Variants in SLC36A4 observed in about 807,000 individuals in gnomAD.
SLC36A4 encodes solute carrier family 36 member 4.
In SLC36A4, 49 loss-of-function variants were observed where a neutral mutation model predicts 50.5. The ratio of observed to expected loss-of-function variants is 0.97; its 90% CI spans 0.77 to 1.23. SLC36A4 has a LOEUF of 1.23. SLC36A4 is among the 50% of genes most tolerant of loss of function. The pLI is 0.00. For missense variants in SLC36A4, 611 were observed against 608.4 expected (o/e 1.00, Z -0.05); for synonymous variants, 207 against 206.5 (o/e 1.00, Z -0.02).
intron 8 of SLC36A4, among the ~76,000 whole-genome samples, chr11:93,163,781 T>TGTATGTATGTAA (rs1171538516): frequency 6.6e-6 from 1 of 151,780 alleles, no homozygotes; most frequent in Non-Finnish European, 1.5e-5. Context: ...TTCTCATGTA[T>TGTATGTATGTAA]GTATGTATGT....
At chr11:93,181,032 C>A in intron 5 of SLC36A4, 151 bp from the exon 6 acceptor site, 2 of 604,578 alleles carry the variant, frequency 3.3e-6, no homozygotes, top group Non-Finnish European at 2.9e-6. Flanking sequence ...CATGCCAAAT[C>A]TAACTTCCTG....
At position 93,184,535 on chromosome 11, in the gene SLC36A4, T is replaced by C. The variant is rs752868323; in HGVS notation, c.180-15A>G. 2 of 1,421,708 alleles carry C rather than the reference T, an allele frequency of 1.4e-6. No homozygotes were observed. The highest frequency in any genetic ancestry group is 2.3e-5 in the East Asian group (1 of 43,768). The allele number at this position is 1,421,708 out of a possible 1,614,324, so 88.1% of individuals were successfully genotyped here. A position where few individuals can be genotyped will look rare whatever the true frequency, so the allele number is the denominator to read the frequency against. On this transcript the variant is annotated splice_polypyrimidine_tract_variant and intron_variant, in intron 2 of 10. Coordinates refer to ENST00000326402, the MANE Select transcript of SLC36A4 (RefSeq NM_152313.4). The stretch of plus-strand genomic sequence containing the variant: ...TTTGTACAAATCTGAAAAGTAAAAG[T>C]TGTAAGACTTAAATATTTTAGAACA...
rs548451184 is a variant in SLC36A4 at position 93,177,792 on chromosome 11, C to T, written c.540+3005G>A. Among the ~76,000 whole-genome samples the T allele has an allele frequency of 1.5e-4, 23 of 152,272 alleles. 1 individual carries two copies. The highest frequency in any genetic ancestry group is 1.0e-3 in the South Asian group (5 of 4,820). ...ATATCAGTTGGCCCCTACTGGGAGG[C>T]GTCTCCCAGTTAGGCTACTCCGGGG... is the stretch of plus-strand genomic sequence containing the variant. On this transcript the variant is annotated intron_variant, in intron 6 of 10. Coordinates refer to ENST00000326402, the MANE Select transcript of SLC36A4 (RefSeq NM_152313.4).
Position 93,185,806 on chromosome 11 carries a change from C to T in SLC36A4, c.64G>A (p.Val22Ile). The change falls in exon 2 of 11, where the codon GTA becomes ATA. Residue 22 changes from valine (V) to isoleucine (I), a missense_variant. Coordinates refer to ENST00000326402, the MANE Select transcript of SLC36A4 (RefSeq NM_152313.4). ...TGCTCATTTATCAAGGGCCTCATTA[C>T]ATCCATATCTTTAAAAAAGAAAAAC... The part of the protein sequence containing the change: ...AARREELDMD[V>I]MRPLINEQNF... The T allele has an allele frequency of 5.1e-6, 8 of 1,583,932 alleles. No homozygotes were observed. The highest frequency in any genetic ancestry group is 6.8e-6 in the Non-Finnish European group (8 of 1,172,558).
Position 93,197,765 on chromosome 11 carries a change from G to C in SLC36A4, c.55+13C>G. On this transcript the variant is annotated intron_variant, in intron 1 of 10. Coordinates refer to ENST00000326402, the MANE Select transcript of SLC36A4 (RefSeq NM_152313.4). ...ACGTCAGCCCCGGCTCCCTGCCCAC[G>C]CACAACACCGACCTAGCTCCTCGCG... The C allele has an allele frequency of 1.3e-6, 2 of 1,588,662 alleles. No individual in the cohort carries two copies. Among genetic ancestry groups the C allele is most frequent in the Non-Finnish European group, 1.7e-6 (2 of 1,174,072 alleles).
chr11:93,192,867 T>C (rs964223418), intron 1 of SLC36A4, among the ~76,000 whole-genome samples: 3 of 152,304 alleles, frequency 2.0e-5, no homozygotes, highest in East Asian at 3.9e-4. Flanking sequence ...TATTTTCTCA[T>C]ATGTACAATG....
intron 6 of SLC36A4, among the ~76,000 whole-genome samples, chr11:93,172,993 C>T (rs1223672907): frequency 4.1e-5 from 6 of 148,030 alleles, no homozygotes; most frequent in African/African-American, 1.0e-4. Context: ...ATGGTATTTC[C>T]AGTTCTAGAT....
chr11:93,156,011 A>G (rs1860343561), intron 9 of SLC36A4, among the ~76,000 whole-genome samples: 1 of 152,144 alleles, frequency 6.6e-6, no homozygotes, highest in Non-Finnish European at 1.5e-5. Context: ...TATCTTTGCT[A>G]TTGTGAAAAG....
intron 1 of SLC36A4, among the ~76,000 whole-genome samples, chr11:93,186,355 CTATT>C (rs1861981738): frequency 6.6e-6 from 1 of 152,126 alleles, no homozygotes; most frequent in Admixed American, 6.5e-5. Context: ...ATGCAATACT[CTATT>C]TAATCTACAT....
At chr11:93,178,749 G>A (rs933488101) in intron 6 of SLC36A4, among the ~76,000 whole-genome samples, 15 of 152,088 alleles carry the variant, frequency 9.9e-5, no homozygotes, top group Admixed American at 7.9e-4. Context: ...ATACTGAATG[G>A]GGAAAAGTTT....
chr11:93,177,609 C>T (rs1332549376), intron 6 of SLC36A4, among the ~76,000 whole-genome samples: 1 of 152,170 alleles, frequency 6.6e-6, no homozygotes, highest in African/African-American at 2.4e-5. Flanking sequence ...CCCTCAGCTG[C>T]AGGTCTGTTG....
Position 93,144,990 on chromosome 11 carries a change from T to C in SLC36A4, c.*3547A>G, listed in dbSNP as rs1859820185. ...ATTTACACTAGCTCTATTTCAAATC[T>C]TCTCCTTTTAAATGAAGAAAGAAGT... On this transcript the variant is annotated 3_prime_UTR_variant, in exon 11 of 11. Coordinates refer to ENST00000326402, the MANE Select transcript of SLC36A4 (RefSeq NM_152313.4). 1 of 152,070 alleles carries C rather than the reference T, an allele frequency of 6.6e-6. No homozygotes were observed. 9.4% of individuals were successfully genotyped at this position (152,070 alleles called of 1,614,324 possible). A position where few individuals can be genotyped will look rare whatever the true frequency, so the allele number is the denominator to read the frequency against.
At chr11:93,188,198 T>G (rs1430278651) in intron 1 of SLC36A4, among the ~76,000 whole-genome samples, 4 of 152,218 alleles carry the variant, frequency 2.6e-5, no homozygotes, top group Non-Finnish European at 5.9e-5. Context: ...AGTAATTTCA[T>G]GAATGGTTTA....
intron 1 of SLC36A4, among the ~76,000 whole-genome samples, chr11:93,187,795 T>C (rs1251371684): frequency 2.0e-5 from 3 of 152,210 alleles, no homozygotes; most frequent in East Asian, 1.9e-4. Flanking sequence ...CCACCAATTT[T>C]CCCCATTACT....
At chr11:93,188,089 C>A (rs370383539) in intron 1 of SLC36A4, among the ~76,000 whole-genome samples, 1 of 152,206 alleles carries the variant, frequency 6.6e-6, no homozygotes, top group African/African-American at 2.4e-5. Context: ...TCCCCTCCCC[C>A]ACTCTCCATG....
At chr11:93,173,833 T>G (rs1380888763) in intron 6 of SLC36A4, among the ~76,000 whole-genome samples, 1 of 129,200 alleles carries the variant, frequency 7.7e-6, no homozygotes, top group Non-Finnish European at 1.6e-5. Flanking sequence ...AGTACCATGC[T>G]GTTTTGGTTA....
intron 9 of SLC36A4, chr11:93,159,997 C>G (rs1027946742): frequency 3.1e-5 from 31 of 985,268 alleles, no homozygotes; most frequent in Non-Finnish European, 3.7e-5. Context: ...TGCACAATCT[C>G]TAACTTTCGA....
intron 9 of SLC36A4, chr11:93,160,059 T>A: frequency 1.0e-6 from 1 of 985,394 alleles, no homozygotes; most frequent in Non-Finnish European, 1.2e-6. Flanking sequence ...TCGTATATAG[T>A]ATATTAAGAA....
At chr11:93,182,924 A>C in intron 3 of SLC36A4, 30 bp from the exon 4 acceptor site, 1 of 1,469,938 alleles carries the variant, frequency 6.8e-7, no homozygotes, top group Non-Finnish European at 9.4e-7. Context: ...ATAAGGTTTA[A>C]ATATTTAACA....
Sources: gnomAD v4.1 joint callset for allele counts (sites outside exome capture counted in the v4.1 genomes callset) on GRCh38, gnomAD v4.1.1 for gene constraint, MANE v1.5 for transcripts, NCBI Gene and HGNC (gene_info 2026-07-23, HGNC 2026-07-21) for gene names.